SDC3: variants seen among roughly 807,000 people sequenced by gnomAD.
The protein encoded by SDC3 is syndecan 3.
SDC3 carries 13 observed loss-of-function variants against 24.4 expected under a neutral mutation model. The ratio of observed to expected loss-of-function variants is 0.53; its 90% CI spans 0.35 to 0.85. SDC3 has a LOEUF of 0.85. Among genes scored for constraint, SDC3 ranks in the 40% least tolerant of loss-of-function variants. The pLI is 0.01. For missense variants in SDC3, 571 were observed against 584.5 expected (o/e 0.98, Z 0.24); for synonymous variants, 295 against 260.9 (o/e 1.13, Z -1.26).
intron 1 of SDC3, among the ~76,000 whole-genome samples, chr1:30,893,241 A>C (rs1473243536): frequency 2.2e-5 from 3 of 136,674 alleles, no homozygotes; most frequent in Non-Finnish European, 4.6e-5. Context: ...CCTCCCTCCC[A>C]CAGCATGACA....
rs1294574169 is a variant in SDC3 at position 30,908,504 on chromosome 1, C to T, written c.83G>A (p.Arg28His). 1.0e-6 allele frequency: 1 copy of T among 978,688 alleles called. No homozygotes were observed. Among genetic ancestry groups the T allele is most frequent in the Non-Finnish European group, 1.2e-6 (1 of 827,876 alleles). 60.6% of individuals were successfully genotyped at this position (978,688 alleles called of 1,614,324 possible). A position where few individuals can be genotyped will look rare whatever the true frequency, so the allele number is the denominator to read the frequency against. ...CAGCAGCGGTGGCAGGAGCAGCCCG[C>T]GGGCCCCGGGCCCGGCCGCGGCCCC... ...GAGAAAGPGA[R>H]GLLLPPLLLL... is the part of the protein sequence containing the mutation. The change falls in exon 1 of 5, where the codon CGC (arginine) becomes CAC (histidine). Residue 28 changes from arginine to histidine, a missense_variant. Physicochemically the swap from Arg to His is conservative, Grantham distance 29 (BLOSUM62 0). Coordinates refer to ENST00000339394, the MANE Select transcript of SDC3 (RefSeq NM_014654.4).
intron 1 of SDC3, among the ~76,000 whole-genome samples, chr1:30,885,811 G>T (rs994819530): frequency 5.3e-5 from 8 of 152,154 alleles, no homozygotes; most frequent in Non-Finnish European, 7.4e-5. Context: ...GCTCAGCCGG[G>T]CTGGCCAGTC....
At position 30,907,709 on chromosome 1, in the gene SDC3, G is replaced by A. The variant is rs552349085; in HGVS notation, c.138+740C>T. ...GCAGACACATCCTTCACCTGCACAC[G>A]CCCCACAGGTCCCCGCACCCCTCAC... On this transcript the variant is annotated intron_variant, in intron 1 of 4. Coordinates refer to ENST00000339394, the MANE Select transcript of SDC3 (RefSeq NM_014654.4). Among the ~76,000 whole-genome samples the A allele has an allele frequency of 1.8e-3, 272 of 152,116 alleles. 1 individual carries two copies. Among genetic ancestry groups the A allele is most frequent in the South Asian group, 1.2e-3 (6 of 4,810 alleles).
intron 1 of SDC3, among the ~76,000 whole-genome samples, chr1:30,901,344 A>ACT (rs921409435): frequency 2.6e-5 from 4 of 152,058 alleles, no homozygotes; most frequent in African/African-American, 9.7e-5. Context: ...ATAGTCACCT[A>ACT]CTCTGGGCCA....
At chr1:30,878,544 C>T (rs1204785861) in intron 2 of SDC3, 79 bp downstream of exon 2, 5 of 1,179,086 alleles carry the variant, frequency 4.2e-6, no homozygotes, top group Non-Finnish European at 6.3e-6. Flanking sequence ...GAAGCAAGCC[C>T]CCCGTGGGCT....
At chr1:30,882,654 T>G (rs138657090) in intron 1 of SDC3, among the ~76,000 whole-genome samples, 224 of 152,106 alleles carry the variant, frequency 1.5e-3, no homozygotes, top group Middle Eastern at 6.8e-3. Flanking sequence ...ACCCACCCAC[T>G]CATCACTCAC....
At chr1:30,884,031 A>T (rs1328185069) in intron 1 of SDC3, among the ~76,000 whole-genome samples, 3 of 152,124 alleles carry the variant, frequency 2.0e-5, no homozygotes, top group Non-Finnish European at 2.9e-5. Context: ...GCAGCAAGAC[A>T]GCCAAGGGGG....
intron 1 of SDC3, among the ~76,000 whole-genome samples, chr1:30,898,763 T>C (rs1021434007): frequency 1.3e-5 from 2 of 152,144 alleles, no homozygotes; most frequent in African/African-American, 4.8e-5. Flanking sequence ...TTCTGATAGT[T>C]CCTCAAATCT....
At chr1:30,889,590 C>T (rs1639877485) in intron 1 of SDC3, among the ~76,000 whole-genome samples, 1 of 152,162 alleles carries the variant, frequency 6.6e-6, no homozygotes, top group South Asian at 2.1e-4. Flanking sequence ...GGGATAAATT[C>T]CCTTCCCAGC....
chr1:30,908,544 C>A lies in SDC3; in HGVS notation c.43G>T (p.Ala15Ser). The A allele has an allele frequency of 1.0e-6, 1 of 967,590 alleles. No individual in the cohort carries two copies. Among genetic ancestry groups the A allele is most frequent in the Non-Finnish European group, 1.2e-6 (1 of 818,328 alleles). 59.9% of individuals were successfully genotyped at this position (967,590 alleles called of 1,614,324 possible). Reference protein sequence around the residue: ...PPHRAGAAHGAGAGAGAAAGP... With the variant: ...PPHRAGAAHGSGAGAGAAAGP... Reference sequence around the variant, plus strand: ...GCCGCGGCCCCGGCCCCGGCGCCGGCCCCGTGGGCGGCCCCGGCACGGTGC... The same window carrying A: ...GCCGCGGCCCCGGCCCCGGCGCCGGACCCGTGGGCGGCCCCGGCACGGTGC... The change falls in exon 1 of 5, where the codon GCC becomes TCC. Residue 15 changes from alanine (A) to serine (S), a missense_variant. Around this residue, in one of 2 missense-constraint regions of SDC3, gnomAD observed 497 missense variants for 471.6 expected, o/e 1.05. Coordinates refer to ENST00000339394, the MANE Select transcript of SDC3 (RefSeq NM_014654.4).
At chr1:30,895,326 C>A (rs376419092) in intron 1 of SDC3, among the ~76,000 whole-genome samples, 2 of 152,210 alleles carry the variant, frequency 1.3e-5, no homozygotes, top group East Asian at 3.8e-4. Flanking sequence ...GCCTCACTTG[C>A]AGCCTTGCAG....
At chr1:30,900,291 CAGTA>C (rs1472200473) in intron 1 of SDC3, among the ~76,000 whole-genome samples, 2 of 152,328 alleles carry the variant, frequency 1.3e-5, no homozygotes, top group South Asian at 4.1e-4. Context: ...TGACATGCAG[CAGTA>C]AGTATTGGCC....
rs765421457 is a variant in SDC3, at chr1:30,872,251, G to C, written c.*960C>G. ...TGGAGACAATGTGTGTGGTGCCAGA[G>C]TGTGGGTGTATTTGGGGTAGGAGGA... On this transcript the variant is annotated 3_prime_UTR_variant, in exon 5 of 5. Transcript: ENST00000339394. The C allele has an allele frequency of 1.3e-5, 2 of 152,324 alleles. No homozygotes were observed. The highest frequency in any genetic ancestry group is 4.8e-5 in the African/African-American group (2 of 41,450). The allele number at this position is 152,324 out of a possible 1,614,324, so 9.4% of individuals were successfully genotyped here. A position where few individuals can be genotyped will look rare whatever the true frequency, so the allele number is the denominator to read the frequency against.
chr1:30,892,964 G>A (rs943395680), intron 1 of SDC3, among the ~76,000 whole-genome samples: 10 of 152,090 alleles, frequency 6.6e-5, no homozygotes, highest in South Asian at 2.1e-4. Context: ...ATTAGGGACC[G>A]AGTCACAGCA....
chr1:30,907,169 C>T (rs1445726896), intron 1 of SDC3, among the ~76,000 whole-genome samples: 4 of 152,184 alleles, frequency 2.6e-5, no homozygotes, highest in Admixed American at 6.5e-5. Context: ...CCTTTTCAGC[C>T]TGGGGGATGC....
Position 30,870,842 on chromosome 1 carries a change from T to G in SDC3, c.*2369A>C, listed in dbSNP as rs1639521150. The G allele has an allele frequency of 6.6e-6, 1 of 152,602 alleles. No individual in the cohort carries two copies. The allele number at this position is 152,602 out of a possible 1,614,324, so 9.5% of individuals were successfully genotyped here. A position where few individuals can be genotyped will look rare whatever the true frequency, so the allele number is the denominator to read the frequency against. ...CCTGGGGTCCAGCATCTTCTGGGGC[T>G]GGGGGCCCAAGCCCTTTTCTCCTCT... On this transcript the variant is annotated 3_prime_UTR_variant, in exon 5 of 5. Transcript: ENST00000339394.
In SDC3 at chr1:30,901,937, C is replaced by T. The variant is rs981278834; in HGVS notation, c.138+6512G>A. On this transcript the variant is annotated intron_variant, in intron 1 of 4. Transcript: ENST00000339394. Reference sequence around the variant, plus strand: ...TCCCATTTTAAAGAAGAGGAGACTGCGGGTTCAGAGAGGTTAGGTGAACTC... The same window carrying T: ...TCCCATTTTAAAGAAGAGGAGACTGTGGGTTCAGAGAGGTTAGGTGAACTC... 2.0e-5 allele frequency among the ~76,000 whole-genome samples: 3 copies of T among 152,168 alleles called. 1 individual carries two copies. Among genetic ancestry groups the T allele is most frequent in the African/African-American group, 4.8e-5 (2 of 41,428 alleles).
At position 30,874,398 on chromosome 1, in the gene SDC3, G is replaced by A. The variant is rs761708005; in HGVS notation, c.1061C>T (p.Ala354Val). The A allele has an allele frequency of 1.4e-5, 23 of 1,613,954 alleles. No individual in the cohort carries two copies. The Admixed American group carries it at 3.3e-4, about 23-fold the overall frequency. Residue 354 changes from alanine (A) to valine (V), a missense_variant, in exon 4 of 5, where the codon GCC (alanine) becomes GTC (valine). Ala to Val is a moderately conservative substitution (Grantham distance 64). Around this residue, in one of 2 missense-constraint regions of SDC3, gnomAD observed 497 missense variants for 471.6 expected, o/e 1.05. Coordinates refer to ENST00000339394, the MANE Select transcript of SDC3 (RefSeq NM_014654.4). The part of the protein sequence containing the change: ...SSPPGTLPKG[A>V]RPGPGLLDNA... ...GTCCAGGAGGCCAGGGCCCGGGCGG[G>A]CACCCTTGGGCAGTGTCCCAGGTGG...
chr1:30,873,209 C>T lies in SDC3; in HGVS notation c.*2G>A, dbSNP rs1569985923. ...AGGCTGCAGGGAGGCACTGTGGCTC[C>T]ACTAGGCATAGAACTCCTCCTGCTT... On this transcript the variant is annotated 3_prime_UTR_variant, in exon 5 of 5. Coordinates refer to ENST00000339394, the MANE Select transcript of SDC3 (RefSeq NM_014654.4). The T allele has an allele frequency of 6.2e-7, 1 of 1,611,470 alleles. No homozygotes were observed. The highest frequency in any genetic ancestry group is 1.1e-5 in the South Asian group (1 of 91,014).
Sources: gnomAD v4.1 joint callset for allele counts (sites outside exome capture counted in the v4.1 genomes callset) on GRCh38, gnomAD v4.1.1 for gene constraint, gnomAD v4.1.1 regional missense constraint, MANE v1.5 for transcripts, NCBI Gene and HGNC (gene_info 2026-07-23, HGNC 2026-07-21) for gene names.